Variants in CEP83 observed in about 807,000 individuals in gnomAD.
The protein encoded by CEP83 is centrosomal protein of 83 kDa.
Under a neutral mutation model 101.9 loss-of-function variants are expected in CEP83, and 70 were observed. The observed-to-expected ratio is 0.69, with a 90% CI of 0.57 to 0.84. The LOEUF (loss-of-function observed/expected upper bound fraction) is 0.84, where lower values mean the gene tolerates loss of function less well. CEP83 is among the 40% of genes least tolerant of loss of function. The pLI is 0.00. For missense variants in CEP83, 715 were observed against 787.2 expected (o/e 0.91, Z 1.10); for synonymous variants, 264 against 267.9 (o/e 0.99, Z 0.14).
chr12:94,336,912 G>A (rs1275876457), intron 11 of CEP83, among the ~76,000 whole-genome samples: 1 of 151,644 alleles, frequency 6.6e-6, no homozygotes, highest in East Asian at 1.9e-4. Flanking sequence ...CAATCCTCCT[G>A]CCTCAGCCTC....
At chr12:94,419,491 C>T (rs1219909474) in intron 2 of CEP83, among the ~76,000 whole-genome samples, 1 of 151,958 alleles carries the variant, frequency 6.6e-6, no homozygotes, top group Non-Finnish European at 1.5e-5. Flanking sequence ...GTGTGAGAAA[C>T]TTAACATGCT....
At chr12:94,416,767 A>G (rs1212211326) in intron 2 of CEP83, among the ~76,000 whole-genome samples, 1 of 152,134 alleles carries the variant, frequency 6.6e-6, no homozygotes, top group African/African-American at 2.4e-5. Flanking sequence ...AGGAGACCAC[A>G]TGGAAAACCT....
At chr12:94,339,041 C>T (rs367636495) in intron 11 of CEP83, among the ~76,000 whole-genome samples, 10 of 151,424 alleles carry the variant, frequency 6.6e-5, no homozygotes, top group African/African-American at 1.5e-4. Context: ...CTCAGCTCAC[C>T]GCAACCTCCG....
chr12:94,303,177 C>CA (rs1968642792), downstream of CEP83, among the ~76,000 whole-genome samples: 3 of 152,176 alleles, frequency 2.0e-5, no homozygotes, highest in South Asian at 2.1e-4. Flanking sequence ...AGAACCTCTG[C>CA]AAAATCACAC....
the CEP83 span, among the ~76,000 whole-genome samples, chr12:94,291,468 C>T: frequency 6.6e-6 from 1 of 152,166 alleles, no homozygotes. Context: ...TAGGATCAAG[C>T]AATCCTACTG....
intron 14 of CEP83, among the ~76,000 whole-genome samples, chr12:94,322,418 T>C (rs1411598001): frequency 6.6e-6 from 1 of 151,650 alleles, no homozygotes; most frequent in Non-Finnish European, 1.5e-5. Context: ...GGGATTCAAG[T>C]AAAAAAGCAG....
chr12:94,277,462 G>A, the CEP83 span, among the ~76,000 whole-genome samples: 2 of 152,102 alleles, frequency 1.3e-5, no homozygotes, highest in Non-Finnish European at 2.9e-5. Context: ...CATAAGTCAC[G>A]GGCTCACATG....
chr12:94,268,575 AAG>A, the CEP83 span, among the ~76,000 whole-genome samples: 3 of 142,492 alleles, frequency 2.1e-5, no homozygotes, highest in Middle Eastern at 7.2e-3. Flanking sequence ...AGACAGCTGG[AAG>A]AGAATAAGAC....
chr12:94,399,480 C>T (rs1186546452), intron 6 of CEP83, among the ~76,000 whole-genome samples: 3 of 152,160 alleles, frequency 2.0e-5, no homozygotes, highest in Non-Finnish European at 4.4e-5. Flanking sequence ...GAGGCTGAGG[C>T]AGGAGGATCA....
the CEP83 span, among the ~76,000 whole-genome samples, chr12:94,283,481 C>T: frequency 2.1e-3 from 327 of 152,340 alleles, 5 homozygotes; most frequent in East Asian, 1.4e-3. Context: ...ACAGGTTCAC[C>T]TTCCCCATTG....
intron 11 of CEP83, among the ~76,000 whole-genome samples, chr12:94,339,651 T>G (rs1489222526): frequency 6.6e-6 from 1 of 152,214 alleles, no homozygotes; most frequent in Non-Finnish European, 1.5e-5. Flanking sequence ...AGAAGTTGTA[T>G]TTTTCTACTG....
intron 11 of CEP83, among the ~76,000 whole-genome samples, chr12:94,343,201 G>A (rs1035604010): frequency 5.3e-5 from 8 of 151,624 alleles, no homozygotes; most frequent in Non-Finnish European, 1.2e-4. Flanking sequence ...CATATACTAT[G>A]GGACTAAGTG....
At chr12:94,370,806 T>C (rs960432099) in intron 8 of CEP83, among the ~76,000 whole-genome samples, 8 of 151,162 alleles carry the variant, frequency 5.3e-5, no homozygotes, top group South Asian at 2.1e-4. Flanking sequence ...CTGGGCAACA[T>C]AGTGAGATCC....
In CEP83 at chr12:94,308,037, A is replaced by ATACT. The variant is rs544663458; in HGVS notation, c.*772_*775dup. ...GGTGTAGACCAAAAAAAATGAGAGC[A>ATACT]TACTTAGGGACACAAAACACATAAT... On this transcript the variant is annotated 3_prime_UTR_variant, in exon 17 of 17. Transcript: ENST00000397809. The ATACT allele has an allele frequency of 2.2e-3, 329 of 152,330 alleles. 1 individual carries two copies. The highest frequency in any genetic ancestry group is 7.6e-3 in the African/African-American group (317 of 41,576). 9.4% of individuals were successfully genotyped at this position (152,330 alleles called of 1,614,324 possible).
chr12:94,310,055 T>C lies in CEP83; in HGVS notation c.1864A>G (p.Ile622Val). The C allele has an allele frequency of 6.2e-7, 1 of 1,605,564 alleles. No individual in the cohort carries two copies. The highest frequency in any genetic ancestry group is 8.5e-7 in the Non-Finnish European group (1 of 1,172,786). ...YTRLQKRLKD[I>V]QRRHNEFRSL... ...CGAAATTCATTATGTCTTCTCTGTA[T>C]ATCTTTTAGTCTTTTTTGAAGCCTT... The change falls in exon 16 of 17, where the codon ATA becomes GTA. Residue 622 changes from isoleucine to valine, a missense_variant. Coordinates refer to ENST00000397809, the MANE Select transcript of CEP83 (RefSeq NM_016122.3).
intron 1 of CEP83, among the ~76,000 whole-genome samples, chr12:94,439,556 CA>C (rs989596200): frequency 0.038 from 4,965 of 131,078 alleles, 200 homozygotes; most frequent in African/African-American, 0.11. Flanking sequence ...AAAATGCCAA[CA>C]AAAAAAAAAA....
chr12:94,436,005 T>A (rs1812131410), intron 1 of CEP83, among the ~76,000 whole-genome samples: 1 of 151,198 alleles, frequency 6.6e-6, no homozygotes, highest in South Asian at 2.1e-4. Flanking sequence ...GTCTGGCTCC[T>A]AGGAAGCCCC....
intron 14 of CEP83, among the ~76,000 whole-genome samples, chr12:94,324,721 T>TA (rs2058896321): frequency 6.6e-6 from 1 of 152,242 alleles, no homozygotes; most frequent in African/African-American, 2.4e-5. Flanking sequence ...TAATTATTGT[T>TA]ATTGTATTTT....
the CEP83 span, chr12:94,297,353 G>C: frequency 1.2e-6 from 2 of 1,614,068 alleles, no homozygotes; most frequent in Non-Finnish European, 1.7e-6. Flanking sequence ...GATGTGCAAG[G>C]AAAGAGACAT....
Sources: gnomAD v4.1 joint callset for allele counts (sites outside exome capture counted in the v4.1 genomes callset) on GRCh38, gnomAD v4.1.1 for gene constraint, MANE v1.5 for transcripts, NCBI Gene and HGNC (gene_info 2026-07-23, HGNC 2026-07-21) for gene names.